The following DNAH14 variants were observed in gnomAD, a reference collection of about 807,000 sequenced individuals.
DNAH14 encodes the protein dynein axonemal heavy chain 14.
DNAH14 carries 478 observed loss-of-function variants against 520.9 expected under a neutral mutation model. The observed-to-expected ratio is 0.92, with a 90% CI of 0.85 to 0.99. The LOEUF is 0.99. DNAH14 is among the 50% of genes least tolerant of loss of function. The pLI, the probability that DNAH14 is intolerant of heterozygous loss-of-function variation, is 0.00. For synonymous variants in DNAH14, 1,581 were observed against 1,757.2 expected (o/e 0.90, Z 2.51); for missense variants, 4,831 against 5,234.5 (o/e 0.92, Z 2.38).
chr1:225,006,902 G>A (rs955653240), intron 9 of DNAH14, among the ~76,000 whole-genome samples: 9 of 152,112 alleles, frequency 5.9e-5, no homozygotes, highest in African/African-American at 1.2e-4. Flanking sequence ...GGAATCTGCC[G>A]ATATGTGATG....
intron 23 of DNAH14, among the ~76,000 whole-genome samples, chr1:225,113,776 G>T (rs774745237): frequency 6.6e-6 from 1 of 152,178 alleles, no homozygotes; most frequent in African/African-American, 2.4e-5. Context: ...CAAGTCCATA[G>T]GGAGTACTGC....
chr1:225,330,354 C>A (rs892073735), intron 64 of DNAH14, among the ~76,000 whole-genome samples: 2 of 152,156 alleles, frequency 1.3e-5, no homozygotes, highest in African/African-American at 2.4e-5. Flanking sequence ...AACTGCACTT[C>A]CATGTTTGTT....
At chr1:225,387,304 G>A (rs1226249916) in intron 81 of DNAH14, among the ~76,000 whole-genome samples, 3 of 152,110 alleles carry the variant, frequency 2.0e-5, no homozygotes, top group Non-Finnish European at 2.9e-5. Context: ...GTTAACGGGT[G>A]CAGCTCACCA....
At position 225,367,008 on chromosome 1, in the gene DNAH14, TACACACACACAC is replaced by T. The variant is rs111814272; in HGVS notation, c.12091-771_12091-760del. ...CCCTGATCCAAAAGTCTCATGTTCA[TACACACACACAC>T]ACACACACACACACACACACACACA... On this transcript the variant is annotated intron_variant, in intron 76 of 85. Transcript: ENST00000682510. 4.7e-3 allele frequency among the ~76,000 whole-genome samples: 708 copies of T among 149,144 alleles called. 2 individuals carry two copies. Among genetic ancestry groups the T allele is most frequent in the Middle Eastern group, 7.0e-3 (2 of 284 alleles).
intron 27 of DNAH14, among the ~76,000 whole-genome samples, chr1:225,132,479 C>T (rs1021022238): frequency 1.3e-5 from 2 of 151,820 alleles, no homozygotes; most frequent in African/African-American, 2.4e-5. Flanking sequence ...GTTTGGTTTT[C>T]TGTTCCTGCA....
intron 1 of DNAH14, among the ~76,000 whole-genome samples, chr1:224,941,620 T>G (rs1009654126): frequency 3.9e-5 from 6 of 152,236 alleles, no homozygotes; most frequent in Non-Finnish European, 8.8e-5. Flanking sequence ...TAGGTTTTCT[T>G]CCAGGGTTTT....
chr1:224,947,445 G>T (rs2059917662), intron 1 of DNAH14, among the ~76,000 whole-genome samples: 1 of 152,030 alleles, frequency 6.6e-6, no homozygotes, highest in Admixed American at 6.6e-5. Flanking sequence ...CAAAAAAACT[G>T]TTGAGATTCT....
chr1:225,020,086 A>C (rs1363625259), intron 10 of DNAH14, among the ~76,000 whole-genome samples: 1 of 152,142 alleles, frequency 6.6e-6, no homozygotes, highest in Non-Finnish European at 1.5e-5. Context: ...TCTTCAGAAG[A>C]TTAAACAAGT....
chr1:225,244,763 G>C (rs2092177217), intron 43 of DNAH14, among the ~76,000 whole-genome samples: 1 of 152,036 alleles, frequency 6.6e-6, no homozygotes, highest in African/African-American at 2.4e-5. Flanking sequence ...AGTCTGGCTA[G>C]TGGTCTATCT....
chr1:225,392,546 C>A (rs1476175636), intron 84 of DNAH14, 95 bp downstream of exon 84: 17 of 1,441,256 alleles, frequency 1.2e-5, no homozygotes, highest in Non-Finnish European at 1.6e-5. Flanking sequence ...TTACTCAGCA[C>A]TTACCACATG....
intron 25 of DNAH14, 90 bp downstream of exon 25, chr1:225,118,089 C>T (rs753401075): frequency 1.7e-5 from 17 of 988,448 alleles, no homozygotes; most frequent in East Asian, 7.8e-5. Flanking sequence ...TATAAAAGTG[C>T]GCTAAGCAAA....
chr1:224,998,085 A>G (rs994254886), intron 8 of DNAH14, among the ~76,000 whole-genome samples: 17 of 152,196 alleles, frequency 1.1e-4, no homozygotes, highest in African/African-American at 4.1e-4. Flanking sequence ...AGAATTATTC[A>G]TAATATTCCC....
At chr1:225,265,393 C>A in intron 48 of DNAH14, 24 bp downstream of exon 48, 1 of 1,498,362 alleles carries the variant, frequency 6.7e-7, no homozygotes, top group Admixed American at 2.8e-5. Context: ...CATACCTGTT[C>A]AATAATCTGC....
Position 225,381,506 on chromosome 1 carries a change from A to C in DNAH14, c.13004A>C (p.Glu4335Ala). 6.5e-7 allele frequency: 1 copy of C among 1,549,932 alleles called. No individual in the cohort carries two copies. Among genetic ancestry groups the C allele is most frequent in the Non-Finnish European group, 8.7e-7 (1 of 1,146,510 alleles). The change falls in exon 81 of 86, where the codon GAG becomes GCG. Residue 4335 changes from glutamate to alanine, a missense_variant. Transcript: ENST00000682510. ...GATCTTCAGCTTGCTATAAAAGGAG[A>C]GATCATCCTCACCCAAGAATTGGAG... ...LKDLQLAIKG[E>A]IILTQELEEI...
intron 23 of DNAH14, among the ~76,000 whole-genome samples, chr1:225,104,768 T>C (rs1417208390): frequency 6.6e-6 from 1 of 152,214 alleles, no homozygotes; most frequent in Non-Finnish European, 1.5e-5. Flanking sequence ...TATTTGATTC[T>C]TCTCTCTTTT....
At chr1:225,014,505 T>C (rs1256366979) in intron 10 of DNAH14, among the ~76,000 whole-genome samples, 3 of 152,176 alleles carry the variant, frequency 2.0e-5, no homozygotes, top group African/African-American at 7.2e-5. Flanking sequence ...TGATATATTA[T>C]GTTTCAATTT....
At chr1:225,088,142 A>G (rs954745955) in intron 21 of DNAH14, among the ~76,000 whole-genome samples, 16 of 152,234 alleles carry the variant, frequency 1.1e-4, no homozygotes, top group Non-Finnish European at 2.2e-4. Flanking sequence ...AAAATGTACA[A>G]TTTCTAGAAT....
At chr1:225,260,253 G>A (rs2092887782) in intron 46 of DNAH14, among the ~76,000 whole-genome samples, 1 of 151,864 alleles carries the variant, frequency 6.6e-6, no homozygotes, top group Non-Finnish European at 1.5e-5. Flanking sequence ...TCGGAAGACT[G>A]AGGCAGGAGA....
At chr1:225,005,965 G>T (rs2064137353) in intron 9 of DNAH14, among the ~76,000 whole-genome samples, 1 of 152,114 alleles carries the variant, frequency 6.6e-6, no homozygotes, top group African/African-American at 2.4e-5. Flanking sequence ...ATGCTGTGTT[G>T]TGGGAAGTTG....
Sources: gnomAD v4.1 joint callset for allele counts (sites outside exome capture counted in the v4.1 genomes callset) on GRCh38, gnomAD v4.1.1 for gene constraint, MANE v1.5 for transcripts, NCBI Gene and HGNC (gene_info 2026-07-23, HGNC 2026-07-21) for gene names.